Variants in BRCA2 observed in about 807,000 individuals in gnomAD.
BRCA2 encodes BRCA2 DNA repair associated, also known as breast cancer type 2 susceptibility protein.
Under a neutral mutation model 276.7 loss-of-function variants are expected in BRCA2, and 203 were observed. The ratio of observed to expected loss-of-function variants is 0.73; its 90% CI spans 0.65 to 0.82. The LOEUF (loss-of-function observed/expected upper bound fraction) is 0.82, where lower values mean the gene tolerates loss of function less well. Among genes scored for constraint, BRCA2 ranks in the 40% least tolerant of loss-of-function variants. The pLI is 0.00. For synonymous variants in BRCA2, 1,289 were observed against 1,338.4 expected, an observed-to-expected ratio of 0.96 and a Z score of 0.81; for missense variants, 3,920 against 3,915.0, an observed-to-expected ratio of 1.00 and a Z score of -0.03.
In BRCA2 at chr13:32,339,601, A is replaced by C. The variant is rs55828982; in HGVS notation, c.5246A>C (p.Tyr1749Ser). 1 of 1,611,560 alleles carries C rather than the reference A, an allele frequency of 6.2e-7. No homozygotes were observed. Among genetic ancestry groups the C allele is most frequent in the Non-Finnish European group, 8.5e-7 (1 of 1,178,414 alleles). The change falls in exon 11 of 27, where the codon TAT becomes TCT. Residue 1749 changes from tyrosine (Y) to serine (S), a missense_variant. Physicochemically the swap from Tyr to Ser is moderately radical, Grantham distance 144. Around this residue, in one of 2 missense-constraint regions of BRCA2, gnomAD observed 3,263 missense variants for 3,156.9 expected, o/e 1.03. Coordinates refer to ENST00000380152, the MANE Select transcript of BRCA2 (RefSeq NM_000059.4). Reference protein sequence around the residue: ...YLSNSSMSNSYSYHSDEVYND... With the variant: ...YLSNSSMSNSSSYHSDEVYND... ...AGTAACAGTAGCATGTCTAACAGCT[A>C]TTCCTACCATTCTGATGAGGTATAT...
At chr13:32,397,484 T>A (rs184071992) in intron 26 of BRCA2, among the ~76,000 whole-genome samples, 1 of 152,346 alleles carries the variant, frequency 6.6e-6, no homozygotes, top group Admixed American at 6.5e-5. Context: ...ATAACAACCC[T>A]ATGAGATAAA....
intron 24 of BRCA2, among the ~76,000 whole-genome samples, chr13:32,381,999 T>TA (rs2072927595): frequency 6.6e-6 from 1 of 152,140 alleles, no homozygotes; most frequent in Admixed American, 6.5e-5. Flanking sequence ...GGAGCTCAGT[T>TA]TTAGACAGTT....
In BRCA2 at chr13:32,356,358, C is replaced by T. The variant is rs750653645; in HGVS notation, c.7436-70C>T. On this transcript the variant is annotated intron_variant, in intron 14 of 26. Transcript: ENST00000380152. ...GTGCTGGGATTACAGGCGTGAGCCACTGTGCCTGGCCAGGGGTTGTGCTTT... is the reference window on the plus strand; with the variant it reads ...GTGCTGGGATTACAGGCGTGAGCCATTGTGCCTGGCCAGGGGTTGTGCTTT... 6.7e-6 allele frequency: 10 copies of T among 1,501,036 alleles called. No homozygotes were observed. The Admixed American group carries it at 1.2e-4, about 18-fold the overall frequency. 93.0% of individuals were successfully genotyped at this position (1,501,036 alleles called of 1,614,324 possible).
intron 16 of BRCA2, 86 bp downstream of exon 16, chr13:32,358,015 G>C (rs2072713134): frequency 3.4e-6 from 5 of 1,461,214 alleles, no homozygotes; most frequent in African/African-American, 1.4e-5. Flanking sequence ...GAACTAAAAA[G>C]TTGGCTAGAA....
At chr13:32,351,934 C>A (rs1246353025) in intron 13 of BRCA2, among the ~76,000 whole-genome samples, 1 of 151,972 alleles carries the variant, frequency 6.6e-6, no homozygotes, top group African/African-American at 2.4e-5. Context: ...CCCAAGTAGC[C>A]GGGATTACAG....
intron 24 of BRCA2, among the ~76,000 whole-genome samples, chr13:32,391,098 G>A (rs779079886): frequency 6.6e-6 from 1 of 152,134 alleles, no homozygotes; most frequent in African/African-American, 2.4e-5. Flanking sequence ...TTAAAACAGG[G>A]ACATCTGTAT....
In BRCA2 at chr13:32,333,031, C is replaced by A. The variant is rs2072416288; in HGVS notation, c.1553C>A (p.Ala518Glu). The A allele has an allele frequency of 6.3e-7, 1 of 1,596,022 alleles. No homozygotes were observed. The highest frequency in any genetic ancestry group is 8.5e-7 in the Non-Finnish European group (1 of 1,175,426). Residue 518 changes from alanine to glutamate, a missense_variant, in exon 10 of 27, where the codon GCA (alanine) becomes GAA (glutamate). Around this residue, in one of 2 missense-constraint regions of BRCA2, gnomAD observed 3,263 missense variants for 3,156.9 expected, o/e 1.03. Coordinates refer to ENST00000380152, the MANE Select transcript of BRCA2 (RefSeq NM_000059.4). ...GAATCACCTAAAGAGACTTTCAATG[C>A]AAGTTTTTCAGGTCATATGACTGAT... ...IRESPKETFN[A>E]SFSGHMTDPN...
At chr13:32,388,576 A>G (rs1218875084) in intron 24 of BRCA2, among the ~76,000 whole-genome samples, 6 of 152,110 alleles carry the variant, frequency 3.9e-5, no homozygotes, top group African/African-American at 1.4e-4. Context: ...ATTTTGCTCA[A>G]CTGTAGGCTA....
intron 18 of BRCA2, among the ~76,000 whole-genome samples, chr13:32,367,414 G>A (rs1260776779): frequency 1.3e-5 from 2 of 151,982 alleles, no homozygotes; most frequent in African/African-American, 4.8e-5. Flanking sequence ...TCTAGCCTGG[G>A]TGACAGAGCG....
chr13:32,351,199 C>T (rs901975365), intron 13 of BRCA2, among the ~76,000 whole-genome samples: 2 of 152,198 alleles, frequency 1.3e-5, no homozygotes, highest in Admixed American at 6.5e-5. Flanking sequence ...CTTTAGTGAG[C>T]ACTACCTTTA....
chr13:32,331,604 T>G (rs544555514), intron 9 of BRCA2, among the ~76,000 whole-genome samples: 133 of 152,232 alleles, frequency 8.7e-4, no homozygotes, highest in African/African-American at 3.0e-3. Flanking sequence ...GATGACAGTA[T>G]TTAAATACTG....
intron 20 of BRCA2, among the ~76,000 whole-genome samples, chr13:32,374,843 C>T (rs979904344): frequency 6.6e-6 from 1 of 152,186 alleles, no homozygotes; most frequent in Non-Finnish European, 1.5e-5. Context: ...TTCAGGTTAT[C>T]GGTATAGCAG....
chr13:32,328,311 G>A (rs566587983), intron 7 of BRCA2, among the ~76,000 whole-genome samples: 1 of 149,770 alleles, frequency 6.7e-6, no homozygotes, highest in Non-Finnish European at 1.5e-5. Context: ...GCACCATCTC[G>A]GCTCACAGCA....
rs276174851 is a variant in BRCA2, at chr13:32,339,149, CAAT to C, written c.4798_4800del (p.Asn1600del). On this transcript the variant is annotated inframe_deletion, in exon 11 of 27. Transcript: ENST00000380152. ...AGTGTAAAGAAATGCAGAATTCTCT[CAAT>C]AATGATAAAAACCTTGTTTCTATTG... is the stretch of plus-strand genomic sequence containing the variant. 3.1e-6 allele frequency: 5 copies of C among 1,613,900 alleles called. No individual in the cohort carries two copies. The highest frequency in any genetic ancestry group is 2.7e-5 in the African/African-American group (2 of 75,014).
At chr13:32,382,008 T>C (rs2072927801) in intron 24 of BRCA2, among the ~76,000 whole-genome samples, 1 of 152,166 alleles carries the variant, frequency 6.6e-6, no homozygotes, top group Admixed American at 6.5e-5. Context: ...TTTTAGACAG[T>C]TAAGTTTTAG....
chr13:32,371,438 T>C (rs1484061800), intron 20 of BRCA2, among the ~76,000 whole-genome samples: 1 of 152,110 alleles, frequency 6.6e-6, no homozygotes, highest in Non-Finnish European at 1.5e-5. Context: ...AAAATCATGG[T>C]GTTTTGATGT....
intron 16 of BRCA2, among the ~76,000 whole-genome samples, chr13:32,358,497 AG>A (rs1274890639): frequency 1.4e-5 from 2 of 143,362 alleles, no homozygotes; most frequent in African/African-American, 5.2e-5. Flanking sequence ...AAAAGAAAAA[AG>A]TTAAATTTGA....
intron 24 of BRCA2, among the ~76,000 whole-genome samples, chr13:32,391,682 T>C (rs1215342225): frequency 1.3e-5 from 2 of 152,272 alleles, no homozygotes; most frequent in Non-Finnish European, 2.9e-5. Context: ...AAGAATTCTA[T>C]GCAAGTTCAG....
chr13:32,387,923 G>A (rs1434696475), intron 24 of BRCA2, among the ~76,000 whole-genome samples: 2 of 151,972 alleles, frequency 1.3e-5, no homozygotes, highest in African/African-American at 4.8e-5. Flanking sequence ...CCCTTGTCTT[G>A]TATGCAATAA....
Sources: allele counts gnomAD v4.1 joint callset (sites outside exome capture counted in the v4.1 genomes callset), GRCh38; gene constraint gnomAD v4.1.1; regional missense constraint gnomAD v4.1.1; transcripts MANE v1.5; gene names NCBI Gene and HGNC (gene_info 2026-07-23, HGNC 2026-07-21).